The following NIPBL variants were observed in gnomAD, a reference collection of about 807,000 sequenced individuals.
NIPBL encodes nipped-B-like protein.
NIPBL carries 19 observed loss-of-function variants against 321.8 expected under a neutral mutation model. The observed-to-expected ratio is 0.06, with a 90% CI of 0.04 to 0.09. The LOEUF (loss-of-function observed/expected upper bound fraction) is 0.09. NIPBL is among the 10% of genes least tolerant of loss of function. The probability of loss-of-function intolerance (pLI) is 1.00; values close to 1 mark genes in which losing one functional copy is unlikely to be tolerated. For synonymous variants in NIPBL, 1,106 were observed against 1,114.1 expected, an observed-to-expected ratio of 0.99 and a Z score of 0.14; for missense variants, 2,210 against 3,327.0, an observed-to-expected ratio of 0.66 and a Z score of 8.26.
chr5:37,011,448 A>G (rs1011811861), intron 21 of NIPBL, among the ~76,000 whole-genome samples: 3 of 152,188 alleles, frequency 2.0e-5, no homozygotes, highest in Non-Finnish European at 4.4e-5. Flanking sequence ...CCAGCTACTC[A>G]GGAGGCTGAA....
At chr5:36,965,264 T>C (rs1018422068) in intron 6 of NIPBL, among the ~76,000 whole-genome samples, 10 of 152,194 alleles carry the variant, frequency 6.6e-5, no homozygotes, top group African/African-American at 2.4e-4. Context: ...AGCCAAAATA[T>C]GGAATCAACC....
chr5:37,013,340 G>C (rs572141501), intron 21 of NIPBL, among the ~76,000 whole-genome samples: 118 of 151,888 alleles, frequency 7.8e-4, no homozygotes, highest in African/African-American at 2.3e-3. Context: ...CTGGCCGGGC[G>C]GGGGGCTGAC....
intron 1 of NIPBL, among the ~76,000 whole-genome samples, chr5:36,933,332 A>G (rs1459103908): frequency 1.3e-5 from 2 of 152,052 alleles, no homozygotes; most frequent in African/African-American, 2.4e-5. Flanking sequence ...CTTAATTTTA[A>G]ATTTTCTTCT....
chr5:37,060,965 A>T lies in NIPBL; in HGVS notation c.7807A>T (p.Asn2603Tyr), dbSNP rs138514909. 98 of 1,614,184 alleles carry T rather than the reference A, an allele frequency of 6.1e-5. No individual in the cohort carries two copies. The African/African-American group carries it at 1.2e-3, about 19-fold the overall frequency. The change falls in exon 45 of 47, where the codon AAT becomes TAT. Residue 2603 changes from asparagine to tyrosine, a missense_variant. Physicochemically the swap from Asn to Tyr is moderately radical, Grantham distance 143. Transcript: ENST00000282516. ...TLDFLRSDMA[N>Y]SKITEEVKRS... Reference sequence around the variant, plus strand: ...GGACTTCCTGCGGAGTGACATGGCTAATTCCAAAATCACAGAAGAGGTGAA... The same window carrying T: ...GGACTTCCTGCGGAGTGACATGGCTTATTCCAAAATCACAGAAGAGGTGAA...
intron 34 of NIPBL, 98 bp downstream of exon 34, chr5:37,038,836 C>G: frequency 8.4e-7 from 1 of 1,184,148 alleles, no homozygotes; most frequent in Non-Finnish European, 1.2e-6. Flanking sequence ...ACTGACAGAT[C>G]AACTGTGTCA....
intron 1 of NIPBL, among the ~76,000 whole-genome samples, chr5:36,942,432 T>TA (rs33935189): frequency 0.19 from 11,127 of 59,690 alleles, 1,838 homozygotes; most frequent in African/African-American, 0.46. Context: ...ACTCTGTCTT[T>TA]AAAAAAAAAA....
chr5:37,044,862 A>G (rs1752812039), intron 36 of NIPBL, 133 bp downstream of exon 36: 1 of 691,348 alleles, frequency 1.4e-6, no homozygotes, highest in African/African-American at 1.8e-5. Flanking sequence ...GTCCTCTCAG[A>G]AACAATATTT....
At chr5:37,009,884 A>G (rs1269689947) in intron 20 of NIPBL, among the ~76,000 whole-genome samples, 2 of 152,208 alleles carry the variant, frequency 1.3e-5, no homozygotes, top group African/African-American at 4.8e-5. Flanking sequence ...TCCTTTGACT[A>G]TTTTAATTAT....
chr5:37,020,619 A>C lies in NIPBL; in HGVS notation c.5171A>C (p.Lys1724Thr). ...GQIMHRAENR[K>T]KFLRSIIKTT... The stretch of plus-strand genomic sequence containing the variant: ...ATTATGCATCGAGCTGAAAACCGAA[A>C]AAAGTTTCTTAGAAGCATTATCAAA... Residue 1724 changes from lysine (K) to threonine (T), a missense_variant, in exon 26 of 47, where the codon AAA (lysine) becomes ACA (threonine). Physicochemically the swap from Lys to Thr is moderately conservative, Grantham distance 78. This residue lies in a region of NIPBL where 138 missense variants were observed against 175.8 expected (regional missense o/e 0.79). Coordinates refer to ENST00000282516, the MANE Select transcript of NIPBL (RefSeq NM_133433.4). 6.2e-7 allele frequency: 1 copy of C among 1,614,158 alleles called. No homozygotes were observed. Among genetic ancestry groups the C allele is most frequent in the Non-Finnish European group, 8.5e-7 (1 of 1,180,018 alleles).
chr5:36,929,726 A>G (rs943185237), intron 1 of NIPBL, among the ~76,000 whole-genome samples: 13 of 152,156 alleles, frequency 8.5e-5, no homozygotes, highest in Admixed American at 3.9e-4. Flanking sequence ...ACATTTAGGT[A>G]TTTGATCCAT....
In NIPBL at chr5:36,895,891, C is replaced by T. The variant is rs571974336; in HGVS notation, c.-80+18713C>T. Among the ~76,000 whole-genome samples, 3 of 152,256 alleles carry T rather than the reference C, an allele frequency of 2.0e-5. No homozygotes were observed. The East Asian group carries it at 5.8e-4, about 29-fold the overall frequency. On this transcript the variant is annotated intron_variant, in intron 1 of 46. Coordinates refer to ENST00000282516, the MANE Select transcript of NIPBL (RefSeq NM_133433.4). ...TCAGATACGTGATTTGCAATATTTG[C>T]TCCCATTCTGTGGATTGTCTTTTCA...
Position 37,048,619 on chromosome 5 carries a change from A to G in NIPBL, c.6707A>G (p.Asn2236Ser), listed in dbSNP as rs587784023. 1 of 1,608,540 alleles carries G rather than the reference A, an allele frequency of 6.2e-7. No homozygotes were observed. The highest frequency in any genetic ancestry group is 1.3e-5 in the African/African-American group (1 of 74,756). ...AATTTAAAAATACAAGTGTTAAAAAACCTCCAGACCTACCTACAAGAAGAA... is the reference window on the plus strand; with the variant it reads ...AATTTAAAAATACAAGTGTTAAAAAGCCTCCAGACCTACCTACAAGAAGAA... ...SVNLKIQVLK[N>S]LQTYLQEEDT... The change falls in exon 39 of 47, where the codon AAC becomes AGC. Residue 2236 changes from asparagine to serine, a missense_variant. By Grantham distance (46) the Asn-to-Ser change is conservative. Transcript: ENST00000282516.
chr5:36,947,416 A>G (rs1202599951), intron 1 of NIPBL, among the ~76,000 whole-genome samples: 1 of 151,948 alleles, frequency 6.6e-6, no homozygotes, highest in Admixed American at 6.6e-5. Flanking sequence ...CCCCCACCCT[A>G]TCTTCCTTAT....
At chr5:36,918,135 A>C (rs557962912) in intron 1 of NIPBL, among the ~76,000 whole-genome samples, 185 of 152,232 alleles carry the variant, frequency 1.2e-3, no homozygotes, top group Middle Eastern at 6.8e-3. Context: ...TTTTCACGAT[A>C]TTGATTCTTC....
intron 39 of NIPBL, among the ~76,000 whole-genome samples, 168 bp downstream of exon 39, chr5:37,048,843 C>A (rs1214073283): frequency 6.6e-6 from 1 of 152,016 alleles, no homozygotes; most frequent in Non-Finnish European, 1.5e-5. Context: ...TTCTTAAATT[C>A]TCTAAAATAG....
chr5:37,015,982 A>G (rs1402880721), intron 22 of NIPBL, 56 bp from the exon 23 acceptor site: 13 of 1,582,606 alleles, frequency 8.2e-6, no homozygotes, highest in Non-Finnish European at 1.1e-5. Context: ...TGGTAGACAG[A>G]TGACTGACAT....
rs1186570020 is a variant in NIPBL, at chr5:37,020,953, T to G, written c.5328+76T>G. 1.6e-5 allele frequency: 16 copies of G among 990,258 alleles called. 1 individual carries two copies. The highest frequency in any genetic ancestry group is 1.2e-4 in the Admixed American group (7 of 59,188). 61.3% of individuals were successfully genotyped at this position (990,258 alleles called of 1,614,324 possible). ...GGATGCTTGTGAGCAGTATATAATA[T>G]CATTCATTGTTGAGTACAGATACTT... is the stretch of plus-strand genomic sequence containing the variant. On this transcript the variant is annotated intron_variant, in intron 27 of 46. Coordinates refer to ENST00000282516, the MANE Select transcript of NIPBL (RefSeq NM_133433.4).
At chr5:37,046,328 T>C (rs937711458) in intron 38 of NIPBL, 129 bp downstream of exon 38, 2 of 650,750 alleles carry the variant, frequency 3.1e-6, no homozygotes. Context: ...GTGTATAGAA[T>C]GTAGGTCTGA....
chr5:36,969,345 G>A (rs577544834), intron 6 of NIPBL, among the ~76,000 whole-genome samples: 43 of 152,204 alleles, frequency 2.8e-4, no homozygotes, highest in Admixed American at 3.9e-4. Context: ...AAAATAATAA[G>A]GAATGAAGTG....
Sources: gnomAD v4.1 joint callset for allele counts (sites outside exome capture counted in the v4.1 genomes callset) on GRCh38, gnomAD v4.1.1 for gene constraint, gnomAD v4.1.1 regional missense constraint, MANE v1.5 for transcripts, NCBI Gene and HGNC (gene_info 2026-07-23, HGNC 2026-07-21) for gene names.